The following SLC4A10 variants were observed in gnomAD, a reference collection of about 807,000 sequenced individuals.
SLC4A10 encodes solute carrier family 4 member 10, also known as sodium-driven chloride bicarbonate exchanger.
A neutral mutation model predicts 137.7 loss-of-function variants in SLC4A10; 42 were observed. That is an observed-to-expected ratio of 0.30 (90% CI 0.24 to 0.39). The LOEUF is 0.39. Among genes scored for constraint, SLC4A10 ranks in the 10% least tolerant of loss-of-function variants. The pLI, the probability that SLC4A10 is intolerant of heterozygous loss-of-function variation, is 1.00. For missense variants in SLC4A10, 925 were observed against 1,355.0 expected, an observed-to-expected ratio of 0.68 and a Z score of 4.98; for synonymous variants, 474 against 464.1, an observed-to-expected ratio of 1.02 and a Z score of -0.27.
At chr2:161,927,537 G>A (rs1689398263) in intron 15 of SLC4A10, among the ~76,000 whole-genome samples, 2 of 152,186 alleles carry the variant, frequency 1.3e-5, no homozygotes, top group East Asian at 1.9e-4. Flanking sequence ...TAATTAAACT[G>A]AAGAGCTTCT....
Position 161,914,279 on chromosome 2 carries a change from T to C in SLC4A10, c.1997+8392T>C, listed in dbSNP as rs962367047. Among the ~76,000 whole-genome samples the C allele has an allele frequency of 3.9e-5, 6 of 152,306 alleles. 1 individual carries two copies. The highest frequency in any genetic ancestry group is 3.9e-4 in the Admixed American group (6 of 15,296). ...AATACAACTCTGAAAAAGAAAAGTTTAATTTATGAAAACATTCTGTGCTCA... is the reference window on the plus strand; with the variant it reads ...AATACAACTCTGAAAAAGAAAAGTTCAATTTATGAAAACATTCTGTGCTCA... On this transcript the variant is annotated intron_variant, in intron 15 of 26. Transcript: ENST00000446997.
intron 1 of SLC4A10, among the ~76,000 whole-genome samples, chr2:161,645,773 A>C (rs1285588281): frequency 3.9e-5 from 6 of 152,082 alleles, no homozygotes; most frequent in Admixed American, 3.3e-4. Context: ...ATTTTACATA[A>C]ATCTGAGAGC....
chr2:161,767,458 C>G (rs1303555523), intron 1 of SLC4A10, among the ~76,000 whole-genome samples: 2 of 151,388 alleles, frequency 1.3e-5, no homozygotes, highest in Non-Finnish European at 2.9e-5. Context: ...GTATCTAACT[C>G]CCTGAACTCC....
chr2:161,741,729 G>T (rs748622724), intron 1 of SLC4A10, among the ~76,000 whole-genome samples: 1 of 152,096 alleles, frequency 6.6e-6, no homozygotes. Context: ...GGTACATGAG[G>T]TATTTTGATG....
intron 10 of SLC4A10, among the ~76,000 whole-genome samples, chr2:161,893,161 G>A (rs72865220): frequency 6.6e-6 from 1 of 151,960 alleles, no homozygotes; most frequent in Non-Finnish European, 1.5e-5. Context: ...GATCCAAATA[G>A]CAAAGAAGGC....
chr2:161,842,779 T>A (rs539638762), intron 4 of SLC4A10, among the ~76,000 whole-genome samples: 1 of 152,332 alleles, frequency 6.6e-6, no homozygotes, highest in African/African-American at 2.4e-5. Context: ...TGTGCTCATC[T>A]TCTTTATTTG....
At chr2:161,897,476 G>C (rs961245755) in intron 11 of SLC4A10, among the ~76,000 whole-genome samples, 4 of 152,100 alleles carry the variant, frequency 2.6e-5, no homozygotes, top group Admixed American at 2.6e-4. Context: ...TTTGCCAGAG[G>C]TGGGCAAATG....
intron 3 of SLC4A10, among the ~76,000 whole-genome samples, chr2:161,822,389 G>A (rs185759825): frequency 6.6e-6 from 1 of 152,182 alleles, no homozygotes; most frequent in African/African-American, 2.4e-5. Flanking sequence ...AGTCAGAACT[G>A]GTTGTCATGC....
intron 18 of SLC4A10, 114 bp downstream of exon 18, chr2:161,949,375 A>C: frequency 1.6e-6 from 1 of 632,434 alleles, no homozygotes; most frequent in Non-Finnish European, 2.7e-6. Flanking sequence ...TTTAGATTAG[A>C]AGACCAGTAA....
intron 1 of SLC4A10, chr2:161,708,560 G>T: frequency 1.1e-6 from 1 of 875,540 alleles, no homozygotes; most frequent in Non-Finnish European, 1.6e-6. Flanking sequence ...ATACAACTGT[G>T]TCAGTCTCTC....
chr2:161,792,434 G>C (rs1026337091), intron 2 of SLC4A10, among the ~76,000 whole-genome samples: 3 of 151,772 alleles, frequency 2.0e-5, no homozygotes, highest in African/African-American at 7.3e-5. Context: ...TTTGTTTTAA[G>C]TTTTCTAGAC....
chr2:161,955,810 G>T (rs543404424), intron 19 of SLC4A10, among the ~76,000 whole-genome samples: 3 of 152,068 alleles, frequency 2.0e-5, no homozygotes, highest in Non-Finnish European at 4.4e-5. Flanking sequence ...CTCTAAAAAA[G>T]ACTATTATTC....
In SLC4A10 at chr2:161,638,221, G is replaced by A. The variant is rs941091903; in HGVS notation, c.48+13655G>A. On this transcript the variant is annotated intron_variant, in intron 1 of 26. Transcript: ENST00000446997. Reference sequence around the variant, plus strand: ...TCCTTGCCCAGACCAATATCATGAAGCATTTCCTCTACATGTTTTCTTCTA... The same window carrying A: ...TCCTTGCCCAGACCAATATCATGAAACATTTCCTCTACATGTTTTCTTCTA... 2.0e-5 allele frequency among the ~76,000 whole-genome samples: 3 copies of A among 152,050 alleles called. No individual in the cohort carries two copies. In the East Asian group the frequency reaches 5.8e-4, roughly 29 times the overall value.
At chr2:161,763,390 T>C (rs1328512442) in intron 1 of SLC4A10, among the ~76,000 whole-genome samples, 1 of 151,950 alleles carries the variant, frequency 6.6e-6, no homozygotes, top group Admixed American at 6.6e-5. Flanking sequence ...AAAGGGGTGA[T>C]AAAGAAAGTT....
intron 4 of SLC4A10, among the ~76,000 whole-genome samples, chr2:161,841,684 C>T (rs533985314): frequency 3.4e-4 from 52 of 152,212 alleles, no homozygotes; most frequent in Non-Finnish European, 5.4e-4. Context: ...ACACTAAAAA[C>T]GAGACAACCA....
intron 1 of SLC4A10, among the ~76,000 whole-genome samples, chr2:161,706,510 G>T (rs1263882020): frequency 2.0e-5 from 3 of 151,258 alleles, no homozygotes; most frequent in Non-Finnish European, 4.4e-5. Context: ...TTTGGTTCAG[G>T]CCATCATCAT....
intron 1 of SLC4A10, among the ~76,000 whole-genome samples, chr2:161,683,899 A>G (rs1457805418): frequency 6.6e-6 from 1 of 152,190 alleles, no homozygotes; most frequent in Non-Finnish European, 1.5e-5. Flanking sequence ...GCTAAGATTT[A>G]CCATTATAAA....
chr2:161,962,219 TCA>T (rs1346299666), intron 21 of SLC4A10, among the ~76,000 whole-genome samples: 1 of 152,186 alleles, frequency 6.6e-6, no homozygotes, highest in East Asian at 1.9e-4. Context: ...AAAAAACAGA[TCA>T]CAGTGTTCTC....
intron 2 of SLC4A10, among the ~76,000 whole-genome samples, chr2:161,775,998 A>T (rs1385910203): frequency 6.6e-6 from 1 of 151,894 alleles, no homozygotes; most frequent in South Asian, 2.1e-4. Context: ...TAAACAATGG[A>T]CTGTTTATCT....
Sources: allele counts gnomAD v4.1 joint callset (sites outside exome capture counted in the v4.1 genomes callset), GRCh38; gene constraint gnomAD v4.1.1; transcripts MANE v1.5; gene names NCBI Gene and HGNC (gene_info 2026-07-23, HGNC 2026-07-21).